Variants in MDGA2 observed in about 807,000 individuals in gnomAD.
The protein encoded by MDGA2 is MAM domain containing glycosylphosphatidylinositol anchor 2.
A neutral mutation model predicts 117.8 loss-of-function variants in MDGA2; 40 were observed. That is an observed-to-expected ratio of 0.34 (90% confidence interval 0.26 to 0.44). The LOEUF is 0.44. Ranked by LOEUF, MDGA2 falls within the 20% of genes least tolerant of loss-of-function variation. MDGA2 has a pLI of 1.00. For synonymous variants in MDGA2, 452 were observed against 439.0 expected (o/e 1.03, Z -0.37); for missense variants, 1,123 against 1,250.6 (o/e 0.90, Z 1.54).
intron 1 of MDGA2, among the ~76,000 whole-genome samples, chr14:47,455,293 G>A (rs1455353748): frequency 6.6e-6 from 1 of 152,104 alleles, no homozygotes; most frequent in Admixed American, 6.5e-5. Context: ...ATCGCCTGAG[G>A]TCAGGAGTTC....
chr14:47,478,068 G>A (rs1399830204), intron 1 of MDGA2, among the ~76,000 whole-genome samples: 1 of 152,136 alleles, frequency 6.6e-6, no homozygotes, highest in African/African-American at 2.4e-5. Flanking sequence ...TTCTTAAAAT[G>A]GACAAGACTT....
intron 3 of MDGA2, among the ~76,000 whole-genome samples, chr14:47,192,729 C>G (rs1297736391): frequency 6.6e-6 from 1 of 152,134 alleles, no homozygotes; most frequent in Non-Finnish European, 1.5e-5. Context: ...TTGAATTTAG[C>G]TATAAAAACA....
intron 3 of MDGA2, among the ~76,000 whole-genome samples, chr14:47,213,327 G>A (rs1885954349): frequency 6.6e-6 from 1 of 152,038 alleles, no homozygotes; most frequent in Admixed American, 6.6e-5. Flanking sequence ...TTTTTTACAT[G>A]TGAGCATTTT....
chr14:47,105,062 C>T (rs780209365), intron 5 of MDGA2, among the ~76,000 whole-genome samples: 1 of 152,046 alleles, frequency 6.6e-6, no homozygotes, highest in African/African-American at 2.4e-5. Context: ...AGGGACGCCT[C>T]TCTGATTATA....
At chr14:47,596,405 A>G (rs1011585750) in intron 1 of MDGA2, among the ~76,000 whole-genome samples, 2 of 152,284 alleles carry the variant, frequency 1.3e-5, no homozygotes, top group Non-Finnish European at 2.9e-5. Flanking sequence ...CTCATTCTGG[A>G]AAGTCCATTT....
intron 1 of MDGA2, among the ~76,000 whole-genome samples, chr14:47,335,673 GATGT>G (rs1890421796): frequency 3.5e-5 from 5 of 143,772 alleles, no homozygotes; most frequent in African/African-American, 2.6e-5. Context: ...GGTGTGTACA[GATGT>G]ATGTATTTGT....
chr14:46,889,344 T>C (rs1312751229), intron 10 of MDGA2, among the ~76,000 whole-genome samples: 1 of 152,108 alleles, frequency 6.6e-6, no homozygotes, highest in Non-Finnish European at 1.5e-5. Context: ...TTAACACCTT[T>C]AGAAGTGACT....
intron 7 of MDGA2, among the ~76,000 whole-genome samples, chr14:47,057,913 C>T (rs1889745263): frequency 6.6e-6 from 1 of 152,036 alleles, no homozygotes; most frequent in African/African-American, 2.4e-5. Context: ...GCCACCATGC[C>T]TGGCCCTAAA....
chr14:47,200,664 A>G, intron 3 of MDGA2: 1 of 1,185,890 alleles, frequency 8.4e-7, no homozygotes, highest in South Asian at 1.3e-5. Flanking sequence ...CGTAGCCTCA[A>G]GAGCTGTTTC....
At chr14:46,949,073 C>T (rs917812045) in intron 9 of MDGA2, among the ~76,000 whole-genome samples, 1 of 152,002 alleles carries the variant, frequency 6.6e-6, no homozygotes, top group Non-Finnish European at 1.5e-5. Flanking sequence ...AACTGATTAG[C>T]TTATTTGATA....
chr14:47,674,822 C>T lies in MDGA2; in HGVS notation c.-26G>A. 1 of 639,664 alleles carries T rather than the reference C, an allele frequency of 1.6e-6. No homozygotes were observed. The highest frequency in any genetic ancestry group is 2.8e-6 in the Non-Finnish European group (1 of 359,546). 39.6% of individuals were successfully genotyped at this position (639,664 alleles called of 1,614,324 possible). A position where few individuals can be genotyped will look rare whatever the true frequency, so the allele number is the denominator to read the frequency against. Reference sequence around the variant, plus strand: ...GCACACACACACTCACACACACTCACACACTCTCCCACAACACAATACCCT... The same window carrying T: ...GCACACACACACTCACACACACTCATACACTCTCCCACAACACAATACCCT... On this transcript the variant is annotated 5_prime_UTR_variant, in exon 1 of 17. In the 5' UTR this introduces an upstream ATG that the reference lacks. Transcript: ENST00000399232.
chr14:47,271,074 G>A (rs1009657383), intron 2 of MDGA2, among the ~76,000 whole-genome samples: 4 of 152,084 alleles, frequency 2.6e-5, no homozygotes, highest in African/African-American at 9.7e-5. Context: ...CTCTGCAGTA[G>A]AAAATGCAAG....
At chr14:47,281,124 A>G (rs985164099) in intron 2 of MDGA2, among the ~76,000 whole-genome samples, 4 of 150,170 alleles carry the variant, frequency 2.7e-5, no homozygotes, top group Admixed American at 6.7e-5. Flanking sequence ...ATTTAATGTA[A>G]TATGAAATAA....
Position 46,968,849 on chromosome 14 carries a change from A to C in MDGA2, c.1820-11206T>G, listed in dbSNP as rs889783993. On this transcript the variant is annotated intron_variant, in intron 8 of 16. Transcript: ENST00000399232. ...AAGACTCTGTCTAAAAAAAAAAAAA[A>C]AACAAATCCTAGATTTGATAAATAA... 3.3e-5 allele frequency among the ~76,000 whole-genome samples: 5 copies of C among 152,040 alleles called. No individual in the cohort carries two copies. The East Asian group carries it at 9.6e-4, about 29-fold the overall frequency.
intron 2 of MDGA2, among the ~76,000 whole-genome samples, chr14:47,229,405 T>C (rs1886613476): frequency 6.6e-6 from 1 of 152,122 alleles, no homozygotes; most frequent in Non-Finnish European, 1.5e-5. Context: ...TAGACTGTTT[T>C]TCTGTGAGAC....
chr14:47,482,127 G>A (rs904950285), intron 1 of MDGA2, among the ~76,000 whole-genome samples: 4 of 151,972 alleles, frequency 2.6e-5, no homozygotes, highest in East Asian at 1.9e-4. Flanking sequence ...TCCACAGTTC[G>A]TTCTTAAAGA....
At chr14:47,300,161 G>A (rs899570899) in intron 2 of MDGA2, among the ~76,000 whole-genome samples, 11 of 152,138 alleles carry the variant, frequency 7.2e-5, no homozygotes, top group Non-Finnish European at 1.2e-4. Context: ...GGTTAAAATG[G>A]TGAGTTCATA....
At chr14:47,631,352 T>A (rs1315959547) in intron 1 of MDGA2, among the ~76,000 whole-genome samples, 1 of 152,196 alleles carries the variant, frequency 6.6e-6, no homozygotes, top group East Asian at 1.9e-4. Flanking sequence ...TTTTTGAATC[T>A]TCTCTTCCCC....
intron 1 of MDGA2, among the ~76,000 whole-genome samples, chr14:47,525,400 G>T (rs943151442): frequency 6.6e-6 from 1 of 152,072 alleles, no homozygotes; most frequent in African/African-American, 2.4e-5. Context: ...AAAAGAGCCT[G>T]GCTGGCCAGG....
Sources: allele counts gnomAD v4.1 joint callset (sites outside exome capture counted in the v4.1 genomes callset), GRCh38; gene constraint gnomAD v4.1.1; transcripts MANE v1.5; gene names NCBI Gene and HGNC (gene_info 2026-07-23, HGNC 2026-07-21).